Variants in MORC3 observed in about 807,000 individuals in gnomAD.
MORC3 encodes the protein MORC family CW-type zinc finger 3, also known as MORC family CW-type zinc finger protein 3.
A neutral mutation model predicts 109.1 loss-of-function variants in MORC3; 31 were observed. The ratio of observed to expected loss-of-function variants is 0.28; its 90% CI spans 0.21 to 0.38. MORC3 has a LOEUF of 0.38. Among genes scored for constraint, MORC3 ranks in the 10% least tolerant of loss-of-function variants. The pLI is 1.00. For synonymous variants in MORC3, 395 were observed against 380.7 expected, an observed-to-expected ratio of 1.04 and a Z score of -0.44; for missense variants, 867 against 1,135.8, an observed-to-expected ratio of 0.76 and a Z score of 3.40.
chr21:36,353,355 CAAAAAAAA>C (rs35837458), intron 9 of MORC3, among the ~76,000 whole-genome samples: 36 of 55,666 alleles, frequency 6.5e-4, no homozygotes, highest in African/African-American at 2.6e-3. Flanking sequence ...GACTCTGTCT[CAAAAAAAA>C]AAAAAAAAAA....
In MORC3 at chr21:36,364,214, T is replaced by C. The variant is rs200457938; in HGVS notation, c.1574T>C (p.Leu525Pro). ...EGTNSYATRL[L>P]NNHQVPPQSE... is the part of the protein sequence containing the mutation. ...ACAAATTCTTATGCGACAAGACTTC[T>C]AAATAATCATCAAGTTCCACCTCAG... The change falls in exon 14 of 17, where the codon CTA becomes CCA. Residue 525 changes from leucine (L) to proline (P), a missense_variant. By Grantham distance (98) the Leu-to-Pro change is moderately conservative. Transcript: ENST00000400485. 7 of 1,614,182 alleles carry C rather than the reference T, an allele frequency of 4.3e-6. No individual in the cohort carries two copies. The African/African-American group carries it at 6.7e-5, about 15-fold the overall frequency.
intron 14 of MORC3, among the ~76,000 whole-genome samples, chr21:36,364,649 A>G (rs117163385): frequency 0.023 from 3,441 of 152,038 alleles, 59 homozygotes; most frequent in Admixed American, 0.045. Context: ...TCCGTCTCAA[A>G]AAAAAAAAGC....
At chr21:36,336,272 T>A (rs2146298030) in intron 2 of MORC3, among the ~76,000 whole-genome samples, 1 of 150,332 alleles carries the variant, frequency 6.7e-6, no homozygotes, top group East Asian at 2.0e-4. Flanking sequence ...AGACAGAGTC[T>A]TGCTGTGTTG....
intron 6 of MORC3, among the ~76,000 whole-genome samples, chr21:36,343,608 CT>C (rs1183527666): frequency 6.6e-6 from 1 of 151,750 alleles, no homozygotes. Flanking sequence ...ACTACCCTGC[CT>C]GGCTAATTTT....
intron 8 of MORC3, among the ~76,000 whole-genome samples, chr21:36,346,396 A>G (rs2085507918): frequency 6.6e-6 from 1 of 152,148 alleles, no homozygotes; most frequent in Non-Finnish European, 1.5e-5. Flanking sequence ...TATTTTATGC[A>G]TAAGGAAGTT....
intron 9 of MORC3, among the ~76,000 whole-genome samples, chr21:36,352,470 AGACCGGAAGTG>A (rs2085583899): frequency 1.3e-5 from 2 of 152,140 alleles, no homozygotes; most frequent in African/African-American, 4.8e-5. Flanking sequence ...GAAATCTTTG[AGACCGGAAGTG>A]TTTTGGTTTG....
intron 8 of MORC3, among the ~76,000 whole-genome samples, chr21:36,346,772 G>C (rs1219437329): frequency 6.6e-6 from 1 of 151,988 alleles, no homozygotes; most frequent in Non-Finnish European, 1.5e-5. Context: ...TTGTGCCTCT[G>C]CTTTTCAGTC....
chr21:36,370,242 T>A (rs868132730), intron 15 of MORC3, among the ~76,000 whole-genome samples: 1 of 152,128 alleles, frequency 6.6e-6, no homozygotes, highest in African/African-American at 2.4e-5. Flanking sequence ...TTGGAATGCT[T>A]TCACTTAAAA....
At chr21:36,330,429 G>A (rs887551781) in intron 1 of MORC3, among the ~76,000 whole-genome samples, 10 of 152,162 alleles carry the variant, frequency 6.6e-5, no homozygotes, top group Non-Finnish European at 1.5e-4. Flanking sequence ...TTTACCTATA[G>A]CCTGGAAGTC....
chr21:36,325,696 G>T (rs1490608971), intron 1 of MORC3, among the ~76,000 whole-genome samples: 1 of 151,990 alleles, frequency 6.6e-6, no homozygotes, highest in East Asian at 1.9e-4. Context: ...TGCTTTCTTC[G>T]GTTTTAATTA....
chr21:36,329,311 A>G (rs2085286514), intron 1 of MORC3, among the ~76,000 whole-genome samples: 1 of 124,126 alleles, frequency 8.1e-6, no homozygotes, highest in African/African-American at 2.7e-5. Context: ...AAAAAAAAAA[A>G]AAGAAAGTTT....
At chr21:36,372,640 T>C (rs1050779645) in intron 16 of MORC3, 109 bp downstream of exon 16, 40 of 1,155,542 alleles carry the variant, frequency 3.5e-5, no homozygotes, top group Middle Eastern at 2.7e-4. Flanking sequence ...AAAGAAGTTA[T>C]TGATGGTCTG....
intron 10 of MORC3, among the ~76,000 whole-genome samples, chr21:36,358,260 C>T (rs1407615563): frequency 2.0e-5 from 3 of 151,814 alleles, no homozygotes; most frequent in Non-Finnish European, 4.4e-5. Flanking sequence ...TGGTGCACAC[C>T]TGTAGTCCCA....
chr21:36,328,976 G>A (rs1002464671), intron 1 of MORC3, among the ~76,000 whole-genome samples: 5 of 150,636 alleles, frequency 3.3e-5, no homozygotes, highest in Admixed American at 6.6e-5. Context: ...AAAAAATCAC[G>A]AAAGAAACTT....
chr21:36,343,181 C>T (rs2085469610), intron 6 of MORC3, among the ~76,000 whole-genome samples: 2 of 151,782 alleles, frequency 1.3e-5, no homozygotes, highest in South Asian at 4.1e-4. Flanking sequence ...CCACAGCCTC[C>T]ACCTCCTGGG....
At chr21:36,358,584 A>C (rs758668193) in intron 10 of MORC3, among the ~76,000 whole-genome samples, 1 of 152,140 alleles carries the variant, frequency 6.6e-6, no homozygotes, top group African/African-American at 2.4e-5. Flanking sequence ...GGTGAGACCT[A>C]TCTCTTAAAA....
At chr21:36,366,007 G>A (rs1209291078) in intron 14 of MORC3, among the ~76,000 whole-genome samples, 1 of 152,122 alleles carries the variant, frequency 6.6e-6, no homozygotes, top group Non-Finnish European at 1.5e-5. Flanking sequence ...TGGTTTTGTA[G>A]TTTATAGATA....
At position 36,333,630 on chromosome 21, in the gene MORC3, C is replaced by T. The variant is rs1440587079; in HGVS notation, c.40-16C>T. 3 of 1,601,396 alleles carry T rather than the reference C, an allele frequency of 1.9e-6. No homozygotes were observed. The highest frequency in any genetic ancestry group is 1.7e-6 in the Non-Finnish European group (2 of 1,169,572). On this transcript the variant is annotated splice_polypyrimidine_tract_variant and intron_variant, in intron 1 of 16. Transcript: ENST00000400485. The stretch of plus-strand genomic sequence containing the variant: ...AAGACCTGAATTAATTTACATGGAC[C>T]TTTTGTTTGTTTCAGCTTTGCCCGA...
In MORC3 at chr21:36,337,828, C is replaced by T. The variant is rs372230140; in HGVS notation, c.342C>T (p.Asp114=). The T allele has an allele frequency of 1.6e-4, 258 of 1,614,032 alleles. No homozygotes were observed. Among genetic ancestry groups the T allele is most frequent in the Non-Finnish European group, 1.9e-4 (225 of 1,180,040 alleles). ...CGGGTTCTATGCGTCTGGGTAAAGA[C>T]GCAATCGTTTTTACCAAAAATGGAG... ...FKSGSMRLGK[D]AIVFTKNGES... The change falls in exon 4 of 17, where the codon GAC becomes GAT. Residue 114 remains aspartate (D), a synonymous_variant. Coordinates refer to ENST00000400485, the MANE Select transcript of MORC3 (RefSeq NM_015358.3).
Sources: allele counts gnomAD v4.1 joint callset (sites outside exome capture counted in the v4.1 genomes callset), GRCh38; gene constraint gnomAD v4.1.1; transcripts MANE v1.5; gene names NCBI Gene and HGNC (gene_info 2026-07-23, HGNC 2026-07-21).